CCSER1: variants seen among roughly 807,000 people sequenced by gnomAD.
CCSER1 encodes coiled-coil serine rich protein 1.
CCSER1 carries 41 observed loss-of-function variants against 82.0 expected under a neutral mutation model. The observed-to-expected ratio is 0.50, with a 90% CI of 0.39 to 0.65. CCSER1 has a LOEUF of 0.65. Ranked by LOEUF, CCSER1 falls within the 30% of genes least tolerant of loss-of-function variation. The pLI, the probability that CCSER1 is intolerant of heterozygous loss-of-function variation, is 0.00. For missense variants in CCSER1, 1,119 were observed against 1,064.2 expected, an observed-to-expected ratio of 1.05 and a Z score of -0.72; for synonymous variants, 414 against 383.9, an observed-to-expected ratio of 1.08 and a Z score of -0.92.
At chr4:90,578,914 A>G (rs568307503) in intron 5 of CCSER1, among the ~76,000 whole-genome samples, 2 of 152,202 alleles carry the variant, frequency 1.3e-5, no homozygotes, top group African/African-American at 4.8e-5. Context: ...CTTTCCATCT[A>G]TTTCATCTAT....
chr4:90,602,444 G>T (rs2148761529), intron 5 of CCSER1, among the ~76,000 whole-genome samples: 1 of 152,092 alleles, frequency 6.6e-6, no homozygotes, highest in Non-Finnish European at 1.5e-5. Context: ...CTTTCGGCTT[G>T]ATCAGATTTG....
chr4:90,187,802 C>A (rs1163567963), intron 1 of CCSER1, among the ~76,000 whole-genome samples: 1 of 151,804 alleles, frequency 6.6e-6, no homozygotes, highest in Non-Finnish European at 1.5e-5. Flanking sequence ...GATGAAAAGG[C>A]TTTGTATCTG....
intron 9 of CCSER1, among the ~76,000 whole-genome samples, chr4:90,977,741 C>A (rs1735737457): frequency 6.6e-6 from 1 of 151,524 alleles, no homozygotes; most frequent in Non-Finnish European, 1.5e-5. Flanking sequence ...ATCTGCCTTC[C>A]CACTCCCACT....
At chr4:91,140,064 C>G (rs1728881641) in intron 10 of CCSER1, among the ~76,000 whole-genome samples, 1 of 151,940 alleles carries the variant, frequency 6.6e-6, no homozygotes, top group South Asian at 2.1e-4. Context: ...AAAATGATCT[C>G]ATTGACATTG....
At chr4:91,315,099 C>T (rs899577333) in intron 10 of CCSER1, among the ~76,000 whole-genome samples, 1 of 151,644 alleles carries the variant, frequency 6.6e-6, no homozygotes, top group Non-Finnish European at 1.5e-5. Flanking sequence ...TATTTATTTA[C>T]CCACTTCAGC....
chr4:90,209,472 C>T (rs972511993), intron 1 of CCSER1, among the ~76,000 whole-genome samples: 1 of 152,112 alleles, frequency 6.6e-6, no homozygotes, highest in Non-Finnish European at 1.5e-5. Context: ...CCCAGTCTTG[C>T]TTGGAGTAGA....
chr4:90,409,451 C>T (rs1029783294), intron 4 of CCSER1, among the ~76,000 whole-genome samples: 1 of 152,148 alleles, frequency 6.6e-6, no homozygotes, highest in South Asian at 2.1e-4. Flanking sequence ...ACTCTACAAG[C>T]CAGAAGAGAG....
chr4:90,179,956 A>T (rs2153384483), intron 1 of CCSER1, among the ~76,000 whole-genome samples: 1 of 152,238 alleles, frequency 6.6e-6, no homozygotes, highest in East Asian at 1.9e-4. Flanking sequence ...ATAAGCAATA[A>T]GTAAGGAAAG....
intron 9 of CCSER1, among the ~76,000 whole-genome samples, chr4:91,064,288 T>G (rs1027387609): frequency 1.3e-5 from 2 of 152,138 alleles, no homozygotes; most frequent in African/African-American, 4.8e-5. Flanking sequence ...CCCACATGTT[T>G]GCAAAAATCC....
intron 10 of CCSER1, among the ~76,000 whole-genome samples, chr4:91,528,922 G>C (rs1336062730): frequency 6.6e-6 from 1 of 152,112 alleles, no homozygotes; most frequent in Non-Finnish European, 1.5e-5. Flanking sequence ...AACTGCATCA[G>C]AATTGAAGGT....
intron 6 of CCSER1, among the ~76,000 whole-genome samples, chr4:90,674,114 G>A (rs1266487890): frequency 1.3e-5 from 2 of 151,810 alleles, no homozygotes; most frequent in Admixed American, 6.6e-5. Context: ...GCTTTGTAAA[G>A]GATTTATATA....
chr4:90,797,030 T>C (rs1195542684), intron 7 of CCSER1, among the ~76,000 whole-genome samples: 1 of 152,122 alleles, frequency 6.6e-6, no homozygotes, highest in Non-Finnish European at 1.5e-5. Context: ...AGTTCGTGTC[T>C]TGAAGATCTT....
rs533383035 is a variant in CCSER1 at position 91,602,355 on chromosome 4, C to T, written c.*3298C>T. Among the ~76,000 whole-genome samples, 6 of 151,960 alleles carry T rather than the reference C, an allele frequency of 3.9e-5. No individual in the cohort carries two copies. The South Asian group carries it at 1.0e-3, about 26-fold the overall frequency. On this transcript the variant is annotated 3_prime_UTR_variant, in exon 11 of 11. Transcript: ENST00000509176. ...TTGTTTAATAGAGATAATAACCATA[C>T]ACCCCTCTCCAGAAAAAAGTTTTTA...
In CCSER1 at chr4:91,598,652, T is replaced by C. The variant is rs756779742; in HGVS notation, c.2298T>C (p.Arg766=). Residue 766 remains arginine, a synonymous_variant, in exon 11 of 11, where the codon CGT becomes CGC. Coordinates refer to ENST00000509176, the MANE Select transcript of CCSER1 (RefSeq NM_001145065.2). ...RKAIHTPTED[R]FRYSAADQTS... Reference sequence around the variant, plus strand: ...CAATACATACTCCCACCGAGGACCGTTTTAGGTATTCGGCAGCGGACCAGA... The same window carrying C: ...CAATACATACTCCCACCGAGGACCGCTTTAGGTATTCGGCAGCGGACCAGA... The C allele has an allele frequency of 6.4e-7, 1 of 1,551,088 alleles. No individual in the cohort carries two copies. The highest frequency in any genetic ancestry group is 8.7e-7 in the Non-Finnish European group (1 of 1,146,792).
intron 10 of CCSER1, among the ~76,000 whole-genome samples, chr4:91,429,026 C>T (rs1754145284): frequency 6.6e-6 from 1 of 151,930 alleles, no homozygotes; most frequent in Non-Finnish European, 1.5e-5. Flanking sequence ...AAACATATTA[C>T]CCCTCCAAGG....
intron 7 of CCSER1, among the ~76,000 whole-genome samples, chr4:90,736,645 T>A (rs1010626442): frequency 2.7e-4 from 40 of 150,880 alleles, no homozygotes; most frequent in African/African-American, 9.3e-4. Context: ...TCATTTTTTT[T>A]ATCCATTCAG....
intron 10 of CCSER1, among the ~76,000 whole-genome samples, chr4:91,420,363 T>A (rs1274825243): frequency 6.6e-6 from 1 of 152,100 alleles, no homozygotes; most frequent in Non-Finnish European, 1.5e-5. Flanking sequence ...AATTACCTTA[T>A]TTAAAAATGG....
At chr4:90,755,005 C>G (rs1479581044) in intron 7 of CCSER1, among the ~76,000 whole-genome samples, 1 of 152,058 alleles carries the variant, frequency 6.6e-6, no homozygotes. Context: ...CCTGCCATCA[C>G]ATCAGTGTTC....
chr4:90,704,114 G>A (rs1738781942), intron 6 of CCSER1, among the ~76,000 whole-genome samples: 1 of 152,142 alleles, frequency 6.6e-6, no homozygotes, highest in South Asian at 2.1e-4. Context: ...GCTGGTACCG[G>A]TTGTTCCTTT....
Sources: allele counts gnomAD v4.1 joint callset (sites outside exome capture counted in the v4.1 genomes callset), GRCh38; gene constraint gnomAD v4.1.1; transcripts MANE v1.5; gene names NCBI Gene and HGNC (gene_info 2026-07-23, HGNC 2026-07-21).